PECAM1: variants seen among roughly 807,000 people sequenced by gnomAD.
The protein encoded by PECAM1 is platelet endothelial cell adhesion molecule.
A neutral mutation model predicts 13.8 loss-of-function variants in PECAM1; 8 were observed. The ratio of observed to expected loss-of-function variants is 0.58; its 90% CI spans 0.34 to 1.05. The LOEUF (loss-of-function observed/expected upper bound fraction) is 1.05. Among genes scored for constraint, PECAM1 ranks in the 50% least tolerant of loss-of-function variants. The pLI, the probability that PECAM1 is intolerant of heterozygous loss-of-function variation, is 0.03. For synonymous variants in PECAM1, 136 were observed against 52.6 expected, an observed-to-expected ratio of 2.58 and a Z score of -6.86; for missense variants, 304 against 141.2, an observed-to-expected ratio of 2.15 and a Z score of -5.84.
chr17:64,328,057 G>A (rs1555645991), intron 15 of PECAM1, among the ~76,000 whole-genome samples: 1 of 152,176 alleles, frequency 6.6e-6, no homozygotes, highest in African/African-American at 2.4e-5. Flanking sequence ...CTTTTTTCTG[G>A]GGGGACAGGA....
At chr17:64,380,548 C>T (rs2036460836) in intron 2 of PECAM1, among the ~76,000 whole-genome samples, 1 of 152,086 alleles carries the variant, frequency 6.6e-6, no homozygotes, top group Admixed American at 6.6e-5. Context: ...TTTCTTAGCC[C>T]CCCATCTATC....
intron 2 of PECAM1, among the ~76,000 whole-genome samples, chr17:64,386,356 G>C (rs1211090863): frequency 4.2e-5 from 6 of 143,652 alleles, no homozygotes; most frequent in Non-Finnish European, 9.0e-5. Context: ...AGTGAGCTGA[G>C]ATCCAACCAC....
Position 64,377,986 on chromosome 17 carries a change from A to G in PECAM1, c.223T>C (p.Phe75Leu), listed in dbSNP as rs2036400151. 6.3e-6 allele frequency: 3 copies of G among 475,222 alleles called. No individual in the cohort carries two copies. 29.4% of individuals were successfully genotyped at this position (475,222 alleles called of 1,614,324 possible). A position where few individuals can be genotyped will look rare whatever the true frequency, so the allele number is the denominator to read the frequency against. The change falls in exon 3 of 16, where the codon TTC becomes CTC. Residue 75 changes from phenylalanine (F) to leucine (L), a missense_variant. By Grantham distance (22) the Phe-to-Leu change is conservative. Coordinates refer to ENST00000563924, the MANE Select transcript of PECAM1 (RefSeq NM_000442.5). ...TAAAACAGCACGTCATCCTTATAGA[A>G]CAGCATCTGGTGCTGAGGCTTGACG... Reference protein sequence around the residue: ...SHVKPQHQMLFYKDDVLFYNI... With the variant: ...SHVKPQHQMLLYKDDVLFYNI...
rs1396955120 is a variant in PECAM1 at position 64,336,261 on chromosome 17, T to C, written c.2164+5373A>G. ...AGCCTGGGTGACAGAGCGAAGACCC[T>C]GTCTCAAAAAAAAAAAAAAAGAAAG... On this transcript the variant is annotated intron_variant, in intron 14 of 15. Coordinates refer to ENST00000563924, the MANE Select transcript of PECAM1 (RefSeq NM_000442.5). 2.0e-4 allele frequency among the ~76,000 whole-genome samples: 15 copies of C among 74,846 alleles called. No homozygotes were observed. The Admixed American group carries it at 2.6e-3, about 13-fold the overall frequency. The allele number at this position is 74,846 out of a possible 152,430, so 49.1% of individuals were successfully genotyped here. A position where few individuals can be genotyped will look rare whatever the true frequency, so the allele number is the denominator to read the frequency against.
intron 14 of PECAM1, among the ~76,000 whole-genome samples, chr17:64,336,433 TC>T (rs1319108018): frequency 1.3e-5 from 2 of 151,342 alleles, no homozygotes; most frequent in African/African-American, 4.9e-5. Flanking sequence ...ATCATCTAAC[TC>T]CCCCCAGGCA....
chr17:64,345,708 T>G (rs2035547014), intron 13 of PECAM1, among the ~76,000 whole-genome samples: 1 of 124,566 alleles, frequency 8.0e-6, no homozygotes, highest in Non-Finnish European at 1.6e-5. Flanking sequence ...AGCAAGACTG[T>G]CATAAAAAAA....
intron 3 of PECAM1, among the ~76,000 whole-genome samples, chr17:64,376,409 G>A (rs2036360360): frequency 1.3e-5 from 2 of 152,176 alleles, no homozygotes; most frequent in African/African-American, 4.8e-5. Flanking sequence ...TTGGGAAGAG[G>A]ACACAATCAG....
chr17:64,383,665 G>A (rs1322333371), intron 2 of PECAM1, among the ~76,000 whole-genome samples: 1 of 152,136 alleles, frequency 6.6e-6, no homozygotes, highest in African/African-American at 2.4e-5. Context: ...CCACTAACCA[G>A]TCCTAGTTCA....
At position 64,323,115 on chromosome 17, in the gene PECAM1, C is replaced by CA. The variant is rs1485266741; in HGVS notation, c.*700dup. 14 of 985,034 alleles carry CA rather than the reference C, an allele frequency of 1.4e-5. No individual in the cohort carries two copies. In the Admixed American group the frequency reaches 8.6e-4, roughly 60 times the overall value. The allele number at this position is 985,034 out of a possible 1,614,324, so 61.0% of individuals were successfully genotyped here. ...CATCTTCCTGTCTTTCAGCCTTCAG[C>CA]ATGGTAGAGGAAAAGAGAAAGAGTG... On this transcript the variant is annotated 3_prime_UTR_variant, in exon 16 of 16. Coordinates refer to ENST00000563924, the MANE Select transcript of PECAM1 (RefSeq NM_000442.5).
chr17:64,363,367 G>A lies in PECAM1; in HGVS notation c.998C>T (p.Ser333Phe), dbSNP rs1032779310. The A allele has an allele frequency of 4.2e-5, 20 of 475,284 alleles. No individual in the cohort carries two copies. The highest frequency in any genetic ancestry group is 1.6e-4 in the East Asian group (5 of 32,054). 29.4% of individuals were successfully genotyped at this position (475,284 alleles called of 1,614,324 possible). A position where few individuals can be genotyped will look rare whatever the true frequency, so the allele number is the denominator to read the frequency against. Residue 333 changes from serine to phenylalanine, a missense_variant, in exon 6 of 16, where the codon TCC becomes TTC. Transcript: ENST00000563924. ...TTCACCTTGGTCCAGATGTGTGAAG[G>A]AAGATTCCAGTTCGGGCTTGGAAAA... ...ELFSKPELES[S>F]FTHLDQGERL...
At chr17:64,383,913 C>G (rs921942649) in intron 2 of PECAM1, among the ~76,000 whole-genome samples, 1 of 152,130 alleles carries the variant, frequency 6.6e-6, no homozygotes, top group African/African-American at 2.4e-5. Context: ...CGGTGGATCA[C>G]CTGAGGTCAA....
At chr17:64,347,757 G>A (rs961437971) in intron 13 of PECAM1, among the ~76,000 whole-genome samples, 34 of 144,810 alleles carry the variant, frequency 2.3e-4, no homozygotes, top group African/African-American at 8.2e-4. Flanking sequence ...TTGAGATGGA[G>A]TCTCACTCTG....
At chr17:64,383,048 T>A (rs1242039216) in intron 2 of PECAM1, among the ~76,000 whole-genome samples, 1 of 152,040 alleles carries the variant, frequency 6.6e-6, no homozygotes, top group Non-Finnish European at 1.5e-5. Context: ...TCAAAAAAAA[T>A]AAACAAAATA....
chr17:64,332,321 C>T (rs529688460), intron 14 of PECAM1, among the ~76,000 whole-genome samples: 5 of 148,886 alleles, frequency 3.4e-5, no homozygotes, highest in Admixed American at 1.3e-4. Context: ...CAAAGGACCC[C>T]GTGATTCCTG....
At chr17:64,372,488 A>G (rs118199892) in intron 4 of PECAM1, among the ~76,000 whole-genome samples, 82 of 152,144 alleles carry the variant, frequency 5.4e-4, no homozygotes, top group African/African-American at 1.9e-3. Context: ...TTATTTTACG[A>G]TAAGTTTTTC....
chr17:64,375,429 G>A, intron 3 of PECAM1, 73 bp from the exon 4 acceptor site: 1 of 402,740 alleles, frequency 2.5e-6, no homozygotes, highest in East Asian at 3.5e-5. Flanking sequence ...GCCTGATTGA[G>A]AGACACAAGC....
chr17:64,359,029 C>G (rs1262292860), intron 7 of PECAM1, among the ~76,000 whole-genome samples: 3 of 152,054 alleles, frequency 2.0e-5, no homozygotes, highest in African/African-American at 7.2e-5. Context: ...AATTCCTGAC[C>G]TCAGGTGATC....
chr17:64,335,253 A>G (rs1326101230), intron 14 of PECAM1, among the ~76,000 whole-genome samples: 2 of 152,142 alleles, frequency 1.3e-5, no homozygotes, highest in Non-Finnish European at 2.9e-5. Context: ...CCCAGGCCAC[A>G]GTAGAATATT....
intron 5 of PECAM1, among the ~76,000 whole-genome samples, chr17:64,364,815 C>T (rs1168313968): frequency 1.3e-5 from 2 of 151,718 alleles, no homozygotes; most frequent in African/African-American, 2.4e-5. Flanking sequence ...ATTGATGGGA[C>T]GTATCTCAAA....
Sources: gnomAD v4.1 joint callset for allele counts (sites outside exome capture counted in the v4.1 genomes callset) on GRCh38, gnomAD v4.1.1 for gene constraint, MANE v1.5 for transcripts, NCBI Gene and HGNC (gene_info 2026-07-23, HGNC 2026-07-21) for gene names.